MRTFB: variants seen among roughly 807,000 people sequenced by gnomAD.
MRTFB encodes myocardin-related transcription factor B.
In MRTFB, 29 loss-of-function variants were observed where a neutral mutation model predicts 104.2. That is an observed-to-expected ratio of 0.28 (90% CI 0.21 to 0.38). The LOEUF is 0.38. MRTFB is among the 10% of genes least tolerant of loss of function. The pLI is 1.00. For synonymous variants in MRTFB, 535 were observed against 519.5 expected (o/e 1.03, Z -0.41); for missense variants, 1,270 against 1,341.6 (o/e 0.95, Z 0.83).
At chr16:14,129,129 C>G (rs2037312141) in intron 2 of MRTFB, among the ~76,000 whole-genome samples, 1 of 152,230 alleles carries the variant, frequency 6.6e-6, no homozygotes. Context: ...CCATTGGATG[C>G]ATGTGCCATA....
intron 2 of MRTFB, among the ~76,000 whole-genome samples, chr16:14,126,920 G>A (rs1233950889): frequency 1.3e-5 from 2 of 152,206 alleles, no homozygotes; most frequent in African/African-American, 2.4e-5. Flanking sequence ...GGAAACAACC[G>A]TAGCTAAAAA....
chr16:14,138,121 G>A (rs940865673), intron 2 of MRTFB, among the ~76,000 whole-genome samples: 1 of 152,094 alleles, frequency 6.6e-6, no homozygotes, highest in African/African-American at 2.4e-5. Context: ...GTATGGGAAA[G>A]TAAAGACACT....
intron 2 of MRTFB, among the ~76,000 whole-genome samples, chr16:14,097,623 A>G (rs1313188910): frequency 1.3e-5 from 2 of 152,222 alleles, no homozygotes; most frequent in Non-Finnish European, 2.9e-5. Context: ...AAAGTGTACA[A>G]TTTAATCAGT....
At chr16:14,061,288 C>G in the MRTFB span, among the ~76,000 whole-genome samples, 1 of 152,194 alleles carries the variant, frequency 6.6e-6, no homozygotes. Context: ...AGCTCTGGCC[C>G]AGAAGAGATA....
At chr16:14,115,600 C>T (rs2036502428) in intron 2 of MRTFB, among the ~76,000 whole-genome samples, 1 of 152,158 alleles carries the variant, frequency 6.6e-6, no homozygotes, top group Admixed American at 6.5e-5. Flanking sequence ...AAAAGGATGA[C>T]ATGTACCACC....
At chr16:14,035,551 G>A in the MRTFB span, among the ~76,000 whole-genome samples, 2 of 152,212 alleles carry the variant, frequency 1.3e-5, no homozygotes, top group East Asian at 1.9e-4. Flanking sequence ...TTACTAAAAT[G>A]TGTGCCAGAC....
At chr16:14,184,129 A>G (rs1234518992) in intron 3 of MRTFB, among the ~76,000 whole-genome samples, 2 of 150,676 alleles carry the variant, frequency 1.3e-5, no homozygotes, top group Non-Finnish European at 3.0e-5. Flanking sequence ...TCTTTTTGCA[A>G]AGTAATTAAG....
Position 14,236,132 on chromosome 16 carries a change from G to C in MRTFB, c.831+1849G>C, listed in dbSNP as rs566069510. 2.0e-5 allele frequency among the ~76,000 whole-genome samples: 3 copies of C among 148,776 alleles called. No individual in the cohort carries two copies. The East Asian group carries it at 5.8e-4, about 29-fold the overall frequency. On this transcript the variant is annotated intron_variant, in intron 9 of 16. Transcript: ENST00000571589. The stretch of plus-strand genomic sequence containing the variant: ...GGAGGTTAAGGCTGCAGTGAGCTGA[G>C]ATCATGTGCCTGCACTCCAGCCTAC...
At chr16:14,062,979 C>T in the MRTFB span, among the ~76,000 whole-genome samples, 10 of 152,260 alleles carry the variant, frequency 6.6e-5, no homozygotes, top group East Asian at 1.5e-3. Context: ...GTGACAGGGC[C>T]GACATCATAC....
At chr16:14,169,215 T>A (rs1003764840) in intron 3 of MRTFB, among the ~76,000 whole-genome samples, 26 of 152,186 alleles carry the variant, frequency 1.7e-4, no homozygotes, top group African/African-American at 6.0e-4. Flanking sequence ...TCTGTACACA[T>A]CTCTCTAAAG....
At chr16:14,044,192 C>T in the MRTFB span, among the ~76,000 whole-genome samples, 2 of 152,102 alleles carry the variant, frequency 1.3e-5, no homozygotes, top group Non-Finnish European at 2.9e-5. Flanking sequence ...CAATAAACAC[C>T]AACTGGTGAC....
chr16:14,010,640 G>T, the MRTFB span, among the ~76,000 whole-genome samples: 2 of 151,762 alleles, frequency 1.3e-5, no homozygotes, highest in Admixed American at 6.6e-5. Context: ...TGCCTAGGCT[G>T]GTCTCGAACT....
chr16:14,182,551 G>A (rs906353151), intron 3 of MRTFB, among the ~76,000 whole-genome samples: 13 of 152,158 alleles, frequency 8.5e-5, no homozygotes, highest in Admixed American at 7.9e-4. Context: ...TAAATGTTAT[G>A]TAGATGTGTG....
chr16:14,208,025 G>A (rs945239517), intron 3 of MRTFB, among the ~76,000 whole-genome samples: 1 of 152,202 alleles, frequency 6.6e-6, no homozygotes, highest in Non-Finnish European at 1.5e-5. Context: ...ATCCAGAATT[G>A]GAGAATTGGT....
intron 8 of MRTFB, among the ~76,000 whole-genome samples, chr16:14,227,581 G>A (rs568046739): frequency 2.6e-4 from 40 of 152,066 alleles, no homozygotes; most frequent in African/African-American, 7.7e-4. Flanking sequence ...GCACAATCAC[G>A]GCTCACTACA....
chr16:14,149,724 T>C (rs2038516536), intron 3 of MRTFB, among the ~76,000 whole-genome samples: 2 of 152,208 alleles, frequency 1.3e-5, no homozygotes, highest in Non-Finnish European at 2.9e-5. Flanking sequence ...ATGTTGAAAG[T>C]TCATGATGTA....
chr16:14,021,350 CT>C, the MRTFB span, among the ~76,000 whole-genome samples: 1 of 152,214 alleles, frequency 6.6e-6, no homozygotes, highest in African/African-American at 2.4e-5. Flanking sequence ...CTTTCTTATG[CT>C]TCCCATGTGG....
chr16:14,063,187 C>T, the MRTFB span, among the ~76,000 whole-genome samples: 1 of 152,160 alleles, frequency 6.6e-6, no homozygotes, highest in African/African-American at 2.4e-5. Context: ...CCAACAGGAA[C>T]GATGAGTATC....
chr16:14,071,579 C>A (rs1454267674), intron 1 of MRTFB, among the ~76,000 whole-genome samples: 1 of 151,914 alleles, frequency 6.6e-6, no homozygotes, highest in Non-Finnish European at 1.5e-5. Flanking sequence ...GTGCCTCCTT[C>A]AACCGGTCCT....
Sources: allele counts gnomAD v4.1 joint callset (sites outside exome capture counted in the v4.1 genomes callset), GRCh38; gene constraint gnomAD v4.1.1; transcripts MANE v1.5; gene names NCBI Gene and HGNC (gene_info 2026-07-23, HGNC 2026-07-21).